PTPRR: variants seen among roughly 807,000 people sequenced by gnomAD.
The protein encoded by PTPRR is receptor-type tyrosine-protein phosphatase R.
In PTPRR, 38 loss-of-function variants were observed where a neutral mutation model predicts 77.2. The ratio of observed to expected loss-of-function variants is 0.49; its 90% CI spans 0.38 to 0.65. The LOEUF (loss-of-function observed/expected upper bound fraction) is 0.65. Ranked by LOEUF, PTPRR falls within the 30% of genes least tolerant of loss-of-function variation. PTPRR has a pLI of 0.00. For synonymous variants in PTPRR, 299 were observed against 283.1 expected, an observed-to-expected ratio of 1.06 and a Z score of -0.57; for missense variants, 744 against 799.2, an observed-to-expected ratio of 0.93 and a Z score of 0.83.
intron 2 of PTPRR, among the ~76,000 whole-genome samples, chr12:70,869,680 A>G (rs1461145674): frequency 6.6e-6 from 1 of 152,148 alleles, no homozygotes; most frequent in Non-Finnish European, 1.5e-5. Flanking sequence ...CAGAGAGAGA[A>G]GGAGATATGA....
At chr12:70,893,011 G>C in intron 1 of PTPRR, 34 bp from the exon 2 acceptor site, 1 of 1,595,294 alleles carries the variant, frequency 6.3e-7, no homozygotes, top group Non-Finnish European at 8.6e-7. Context: ...CAATATCAAA[G>C]ACCCTATTCA....
At chr12:70,744,154 T>TA (rs1194710354) in intron 6 of PTPRR, among the ~76,000 whole-genome samples, 3 of 152,018 alleles carry the variant, frequency 2.0e-5, no homozygotes, top group Non-Finnish European at 4.4e-5. Context: ...AGAAAGAAGC[T>TA]AAAAAATCAA....
chr12:70,784,712 C>A (rs923377182), intron 2 of PTPRR, among the ~76,000 whole-genome samples: 1 of 152,206 alleles, frequency 6.6e-6, no homozygotes, highest in Admixed American at 6.5e-5. Context: ...CTTAAAGATA[C>A]GTGTTTACTG....
chr12:70,899,719 A>T (rs986502709), intron 1 of PTPRR, among the ~76,000 whole-genome samples: 1 of 151,532 alleles, frequency 6.6e-6, no homozygotes, highest in Middle Eastern at 3.4e-3. Context: ...GTGCAATGAG[A>T]CAAAGAAAAG....
chr12:70,868,485 A>G (rs1892899890), intron 2 of PTPRR, among the ~76,000 whole-genome samples: 1 of 152,152 alleles, frequency 6.6e-6, no homozygotes, highest in African/African-American at 2.4e-5. Flanking sequence ...AACCACAATG[A>G]GATACCATCT....
chr12:70,860,143 G>T (rs1346305167), intron 2 of PTPRR, among the ~76,000 whole-genome samples: 1 of 152,172 alleles, frequency 6.6e-6, no homozygotes, highest in East Asian at 1.9e-4. Flanking sequence ...CAGTACTACA[G>T]ATACATCTCT....
intron 1 of PTPRR, 142 bp downstream of exon 1, chr12:70,920,191 C>T (rs1893835047): frequency 2.4e-6 from 2 of 821,280 alleles, no homozygotes; most frequent in Non-Finnish European, 3.8e-6. Context: ...ACGACTCCCT[C>T]ACCCCTTCCC....
chr12:70,733,705 T>C (rs1889767376), intron 6 of PTPRR, among the ~76,000 whole-genome samples: 1 of 152,128 alleles, frequency 6.6e-6, no homozygotes, highest in South Asian at 2.1e-4. Context: ...TAAAGTGGTT[T>C]TTATAAGATT....
chr12:70,780,690 T>G (rs1891185843), intron 2 of PTPRR, among the ~76,000 whole-genome samples: 1 of 152,204 alleles, frequency 6.6e-6, no homozygotes, highest in Non-Finnish European at 1.5e-5. Context: ...TCTATGGCTT[T>G]CCCCTTTACA....
At chr12:70,900,471 T>A (rs770025845) in intron 1 of PTPRR, among the ~76,000 whole-genome samples, 2 of 151,350 alleles carry the variant, frequency 1.3e-5, no homozygotes, top group Non-Finnish European at 3.0e-5. Flanking sequence ...GGGCAATGAT[T>A]TTTTTTAAAT....
chr12:70,739,629 A>C (rs1315059535), intron 6 of PTPRR, among the ~76,000 whole-genome samples: 1 of 152,198 alleles, frequency 6.6e-6, no homozygotes, highest in African/African-American at 2.4e-5. Flanking sequence ...ATCTGCTGAA[A>C]ACACAAGACA....
intron 2 of PTPRR, among the ~76,000 whole-genome samples, chr12:70,883,300 A>G (rs1355121525): frequency 1.3e-5 from 2 of 152,102 alleles, no homozygotes; most frequent in Non-Finnish European, 2.9e-5. Flanking sequence ...ACACAGACTT[A>G]AGTCACATAA....
At chr12:70,847,488 C>T (rs1272095876) in intron 2 of PTPRR, among the ~76,000 whole-genome samples, 1 of 152,058 alleles carries the variant, frequency 6.6e-6, no homozygotes, top group Non-Finnish European at 1.5e-5. Flanking sequence ...AAATTTACAT[C>T]TCAAAATATG....
intron 6 of PTPRR, among the ~76,000 whole-genome samples, chr12:70,744,127 A>G (rs1890137677): frequency 6.6e-6 from 1 of 152,162 alleles, no homozygotes; most frequent in Non-Finnish European, 1.5e-5. Context: ...AATGTGGATG[A>G]CCAGAGTAAA....
chr12:70,652,382 A>T (rs1886428506), intron 13 of PTPRR, among the ~76,000 whole-genome samples: 1 of 152,212 alleles, frequency 6.6e-6, no homozygotes, highest in South Asian at 2.1e-4. Flanking sequence ...CAACTAGAAG[A>T]GTGTACAACA....
Position 70,855,183 on chromosome 12 carries a change from T to A in PTPRR, c.357+37496A>T, listed in dbSNP as rs144409152. On this transcript the variant is annotated intron_variant, in intron 2 of 13. Transcript: ENST00000283228. ...GGTACAATAAATATTCTAGCTCTCT[T>A]TGCAGAATTAAGGAATTTCAGTTTA... Among the ~76,000 whole-genome samples the A allele has an allele frequency of 2.0e-3, 310 of 152,350 alleles. 1 individual carries two copies. The highest frequency in any genetic ancestry group is 7.1e-3 in the African/African-American group (297 of 41,594).
chr12:70,822,866 T>C (rs887131266), intron 2 of PTPRR, among the ~76,000 whole-genome samples: 2 of 152,110 alleles, frequency 1.3e-5, no homozygotes, highest in African/African-American at 4.8e-5. Flanking sequence ...GATTAGAGCG[T>C]AATGTTAATA....
chr12:70,698,486 C>A, intron 7 of PTPRR, 137 bp from the exon 8 acceptor site: 1 of 627,604 alleles, frequency 1.6e-6, no homozygotes, highest in African/African-American at 1.8e-5. Context: ...TCTGGTGGAC[C>A]AACACCCTTC....
chr12:70,695,523 C>T (rs565902762), intron 8 of PTPRR, among the ~76,000 whole-genome samples: 7 of 152,120 alleles, frequency 4.6e-5, no homozygotes, highest in Non-Finnish European at 8.8e-5. Context: ...CTGAATCCAG[C>T]GGTCCACCCA....
Sources: allele counts gnomAD v4.1 joint callset (sites outside exome capture counted in the v4.1 genomes callset), GRCh38; gene constraint gnomAD v4.1.1; transcripts MANE v1.5; gene names NCBI Gene and HGNC (gene_info 2026-07-23, HGNC 2026-07-21).